Variants in TTLL6 observed in about 807,000 individuals in gnomAD.
The protein encoded by TTLL6 is tubulin polyglutamylase TTLL6.
Under a neutral mutation model 96.4 loss-of-function variants are expected in TTLL6, and 75 were observed. That is an observed-to-expected ratio of 0.78 (90% CI 0.65 to 0.94). The LOEUF is 0.94. Among genes scored for constraint, TTLL6 ranks in the 40% least tolerant of loss-of-function variants. The pLI is 0.00. For missense variants in TTLL6, 1,030 were observed against 1,093.0 expected (o/e 0.94, Z 0.81); for synonymous variants, 411 against 419.4 (o/e 0.98, Z 0.24).
intron 10 of TTLL6, 23 bp downstream of exon 10, chr17:48,789,908 A>G (rs1567725728): frequency 1.2e-6 from 2 of 1,611,876 alleles, no homozygotes; most frequent in Non-Finnish European, 1.7e-6. Context: ...AGAGCCCCGC[A>G]AGGCTGGGGA....
intron 15 of TTLL6, among the ~76,000 whole-genome samples, chr17:48,766,054 C>T (rs564823579): frequency 1.1e-4 from 16 of 152,300 alleles, no homozygotes; most frequent in African/African-American, 3.6e-4. Context: ...ATCTAGCCCA[C>T]GTTGCTAAAA....
At chr17:48,787,205 G>A (rs1234991484) in intron 11 of TTLL6, among the ~76,000 whole-genome samples, 3 of 152,128 alleles carry the variant, frequency 2.0e-5, no homozygotes, top group Non-Finnish European at 4.4e-5. Context: ...GAGAGGACTG[G>A]ACTCAGTGGA....
intron 13 of TTLL6, among the ~76,000 whole-genome samples, chr17:48,782,375 G>C (rs1287674893): frequency 6.6e-6 from 1 of 152,174 alleles, no homozygotes; most frequent in Non-Finnish European, 1.5e-5. Context: ...GGCTGGTCTT[G>C]AACTCCTGAC....
chr17:48,775,858 TA>T (rs2038860538), intron 13 of TTLL6, among the ~76,000 whole-genome samples: 1 of 152,024 alleles, frequency 6.6e-6, no homozygotes, highest in African/African-American at 2.4e-5. Context: ...TCCATTATTT[TA>T]AAAAACTCTC....
intron 15 of TTLL6, 103 bp downstream of exon 15, chr17:48,768,886 G>A (rs2038671772): frequency 4.9e-6 from 6 of 1,230,948 alleles, no homozygotes; most frequent in Non-Finnish European, 6.9e-6. Context: ...TTACCTGTAT[G>A]TCTTTATCAA....
Position 48,785,034 on chromosome 17 carries a change from G to A in TTLL6, c.1929C>T (p.Pro643=), listed in dbSNP as rs181153832. 54 of 1,614,132 alleles carry A rather than the reference G, an allele frequency of 3.3e-5. No individual in the cohort carries two copies. The Admixed American group carries it at 3.7e-4, about 11-fold the overall frequency. Residue 643 remains proline, a synonymous_variant, in exon 13 of 16, where the codon CCC becomes CCT. Transcript: ENST00000393382. ...TGCTGAGATTGATATTCCTCAGATCGGGTAGAGAACTGAAGGGCTTCGCAG... is the reference window on the plus strand; with the variant it reads ...TGCTGAGATTGATATTCCTCAGATCAGGTAGAGAACTGAAGGGCTTCGCAG... ...LTSAKPFSSL[P]DLRNINLSSS... is the part of the protein sequence containing the mutation.
intron 6 of TTLL6, among the ~76,000 whole-genome samples, chr17:48,798,817 C>CTTTTTT (rs546272759): frequency 4.3e-5 from 5 of 116,946 alleles, no homozygotes; most frequent in Non-Finnish European, 6.9e-5. Context: ...TGTTGCAGTT[C>CTTTTTT]TTTTTTTTTT....
Position 48,808,368 on chromosome 17 carries a change from A to ATATG in TTLL6, c.104-3381_104-3378dup, listed in dbSNP as rs1285480712. ...GAATATGCAAATTACATCGCTTCTC[A>ATATG]TATGTATGTGTGTGTGTGTGTGTGT... On this transcript the variant is annotated intron_variant, in intron 1 of 15. Coordinates refer to ENST00000393382, the MANE Select transcript of TTLL6 (RefSeq NM_001130918.3). 9.8e-5 allele frequency among the ~76,000 whole-genome samples: 14 copies of ATATG among 143,524 alleles called. 1 individual carries two copies. In the South Asian group the frequency reaches 3.2e-3, roughly 33 times the overall value. 94.2% of individuals were successfully genotyped at this position (143,524 alleles called of 152,430 possible). A position where few individuals can be genotyped will look rare whatever the true frequency, so the allele number is the denominator to read the frequency against.
intron 1 of TTLL6, among the ~76,000 whole-genome samples, chr17:48,813,069 C>A (rs1276562829): frequency 6.6e-6 from 1 of 152,178 alleles, no homozygotes; most frequent in Non-Finnish European, 1.5e-5. Context: ...GATGAGAAGA[C>A]TGAGACAGAG....
At chr17:48,810,775 A>ATGTGTG (rs1274600186) in intron 1 of TTLL6, among the ~76,000 whole-genome samples, 2 of 93,552 alleles carry the variant, frequency 2.1e-5, no homozygotes, top group South Asian at 3.2e-4. Context: ...CATATATAGT[A>ATGTGTG]TGTGTGTATA....
intron 13 of TTLL6, among the ~76,000 whole-genome samples, chr17:48,774,455 T>C (rs996264078): frequency 6.6e-6 from 1 of 151,820 alleles, no homozygotes; most frequent in African/African-American, 2.4e-5. Flanking sequence ...TGAGCCACTA[T>C]GCCCGGCCCA....
intron 1 of TTLL6, chr17:48,815,873 T>C (rs1256606349): frequency 6.6e-6 from 1 of 152,204 alleles, no homozygotes; most frequent in Non-Finnish European, 1.5e-5. Context: ...GAAGATGCAA[T>C]ATTCAGATCA....
intron 8 of TTLL6, among the ~76,000 whole-genome samples, chr17:48,792,731 G>C (rs2039249893): frequency 6.6e-6 from 1 of 152,138 alleles, no homozygotes; most frequent in Non-Finnish European, 1.5e-5. Flanking sequence ...GATAAGCAAA[G>C]GATACTCAAT....
chr17:48,784,844 C>T lies in TTLL6; in HGVS notation c.2040+79G>A, dbSNP rs116468104. The T allele has an allele frequency of 4.3e-3, 5,561 of 1,292,564 alleles. 160 individuals carry two copies. The African/African-American group carries it at 0.063, about 15-fold the overall frequency. The allele number at this position is 1,292,564 out of a possible 1,614,324, so 80.1% of individuals were successfully genotyped here. A position where few individuals can be genotyped will look rare whatever the true frequency, so the allele number is the denominator to read the frequency against. On this transcript the variant is annotated intron_variant, in intron 13 of 15. Coordinates refer to ENST00000393382, the MANE Select transcript of TTLL6 (RefSeq NM_001130918.3). ...AGGCTCAGTGGCTTACTCAAAGGGT[C>T]ACAGCAAGTTGGGGGTAGAGAAAGG...
chr17:48,785,191 G>C lies in TTLL6; in HGVS notation c.1772C>G (p.Pro591Arg). ...AGGTGTGTAGGATACTAATGTCAAT[G>C]GCTGGATGTACTGAGGGAGGAAGAA... ...ATQASKQYIQ[P>R]LTLVSYTPDL... Residue 591 changes from proline to arginine, a missense_variant, in exon 13 of 16, where the codon CCA (proline) becomes CGA (arginine). Physicochemically the swap from Pro to Arg is moderately radical, Grantham distance 103 (BLOSUM62 -2). Coordinates refer to ENST00000393382, the MANE Select transcript of TTLL6 (RefSeq NM_001130918.3). 1 of 1,614,122 alleles carries C rather than the reference G, an allele frequency of 6.2e-7. No homozygotes were observed. Among genetic ancestry groups the C allele is most frequent in the Non-Finnish European group, 8.5e-7 (1 of 1,180,042 alleles).
At position 48,786,430 on chromosome 17, in the gene TTLL6, T is replaced by C. The variant is rs995544001; in HGVS notation, c.1590-95A>G. 6.8e-6 allele frequency: 10 copies of C among 1,464,476 alleles called. No homozygotes were observed. The African/African-American group carries it at 1.3e-4, about 18-fold the overall frequency. The allele number at this position is 1,464,476 out of a possible 1,614,324, so 90.7% of individuals were successfully genotyped here. A position where few individuals can be genotyped will look rare whatever the true frequency, so the allele number is the denominator to read the frequency against. The stretch of plus-strand genomic sequence containing the variant: ...GGGATGGACATGACTGGGCGAAAAG[T>C]TAGCAAGTTCCACATTCCCTCCTCC... On this transcript the variant is annotated intron_variant, in intron 11 of 15. Coordinates refer to ENST00000393382, the MANE Select transcript of TTLL6 (RefSeq NM_001130918.3).
At chr17:48,799,994 T>C in intron 5 of TTLL6, 2 of 519,468 alleles carry the variant, frequency 3.9e-6, no homozygotes, top group South Asian at 2.5e-5. Flanking sequence ...TTACCAGTGG[T>C]GCAACCCTTT....
Position 48,812,689 on chromosome 17 carries a change from G to T in TTLL6, c.103+4281C>A, listed in dbSNP as rs2039613292. Among the ~76,000 whole-genome samples the T allele has an allele frequency of 2.6e-5, 4 of 152,198 alleles. No homozygotes were observed. In the South Asian group the frequency reaches 8.3e-4, roughly 31 times the overall value. The stretch of plus-strand genomic sequence containing the variant: ...TCCTGATGGAAGAGGCTGTGTCTCT[G>T]CATTCTCAGCTCCTAGCAGTGTCTA... On this transcript the variant is annotated intron_variant, in intron 1 of 15. Transcript: ENST00000393382.
intron 1 of TTLL6, 48 bp from the exon 2 acceptor site, chr17:48,805,039 G>A: frequency 2.8e-6 from 4 of 1,441,884 alleles, no homozygotes; most frequent in Non-Finnish European, 3.8e-6. Flanking sequence ...CCACCTGCAG[G>A]GGGACCCCCT....
Sources: allele counts gnomAD v4.1 joint callset (sites outside exome capture counted in the v4.1 genomes callset), GRCh38; gene constraint gnomAD v4.1.1; transcripts MANE v1.5; gene names NCBI Gene and HGNC (gene_info 2026-07-23, HGNC 2026-07-21).